Variants in ROCK1 observed in about 807,000 individuals in gnomAD.
ROCK1 encodes the protein Rho associated coiled-coil containing protein kinase 1.
In ROCK1, 36 loss-of-function variants were observed where a neutral mutation model predicts 196.8. The ratio of observed to expected loss-of-function variants is 0.18; its 90% CI spans 0.14 to 0.24. The LOEUF is 0.24. ROCK1 is among the 10% of genes least tolerant of loss of function. The pLI is 1.00. For synonymous variants in ROCK1, 443 were observed against 515.9 expected (o/e 0.86, Z 1.91); for missense variants, 920 against 1,562.0 (o/e 0.59, Z 6.93).
At chr18:21,062,985 G>C (rs1180995845) in intron 2 of ROCK1, among the ~76,000 whole-genome samples, 3 of 152,094 alleles carry the variant, frequency 2.0e-5, no homozygotes, top group Non-Finnish European at 4.4e-5. Context: ...AAGGAGAATG[G>C]ATACTGTCTT....
intron 22 of ROCK1, among the ~76,000 whole-genome samples, chr18:20,978,218 A>C (rs74438302): frequency 6.6e-6 from 1 of 152,216 alleles, no homozygotes; most frequent in East Asian, 1.9e-4. Flanking sequence ...AAAAAAAAAA[A>C]ATGAAGAATG....
At chr18:21,032,975 C>T (rs895087978) in intron 9 of ROCK1, among the ~76,000 whole-genome samples, 2 of 152,066 alleles carry the variant, frequency 1.3e-5, no homozygotes, top group African/African-American at 4.8e-5. Context: ...GGGAGGGTGG[C>T]TTAAGACCAG....
chr18:20,961,493 A>G (rs1568368210), intron 27 of ROCK1, among the ~76,000 whole-genome samples: 1 of 152,150 alleles, frequency 6.6e-6, no homozygotes, highest in Non-Finnish European at 1.5e-5. Context: ...TTCACTTACA[A>G]AAGAAGAGAC....
intron 2 of ROCK1, among the ~76,000 whole-genome samples, chr18:21,064,105 A>ATTTT (rs569045489): frequency 5.9e-5 from 9 of 151,984 alleles, no homozygotes; most frequent in Admixed American, 5.2e-4. Context: ...CAACTAAGTA[A>ATTTT]TTTTTTTTAA....
At position 20,980,396 on chromosome 18, in the gene ROCK1, G is replaced by A. The variant is rs138219567; in HGVS notation, c.2560-392C>T. ...TAAAGAGTGTATACTGTGACTCCAT[G>A]TAGATGAAATTCTAGGACAGGTGAA... On this transcript the variant is annotated intron_variant, in intron 21 of 32. Coordinates refer to ENST00000399799, the MANE Select transcript of ROCK1 (RefSeq NM_005406.3). Among the ~76,000 whole-genome samples, 17 of 152,300 alleles carry A rather than the reference G, an allele frequency of 1.1e-4. No homozygotes were observed. The East Asian group carries it at 3.1e-3, about 28-fold the overall frequency.
rs1170850162 is a variant in ROCK1, at chr18:21,042,057, T to A, written c.959+40A>T. ...TAAAAATGGAGCAGAAGATGAGAAG[T>A]CCTCAGAATTAATACAGGCTCAGTT... On this transcript the variant is annotated intron_variant, in intron 8 of 32. Transcript: ENST00000399799. The A allele has an allele frequency of 1.9e-6, 3 of 1,564,108 alleles. No homozygotes were observed. In the African/African-American group the frequency reaches 4.2e-5, roughly 22 times the overall value.
At chr18:21,094,621 C>CA (rs2036597458) in intron 1 of ROCK1, among the ~76,000 whole-genome samples, 1 of 151,124 alleles carries the variant, frequency 6.6e-6, no homozygotes, top group African/African-American at 2.4e-5. Flanking sequence ...TGGTGGCACG[C>CA]ACCTGTAGTC....
At chr18:21,042,975 C>T (rs1448254158) in intron 6 of ROCK1, among the ~76,000 whole-genome samples, 1 of 152,000 alleles carries the variant, frequency 6.6e-6, no homozygotes, top group African/African-American at 2.4e-5. Flanking sequence ...TGTGTATTCA[C>T]ATATATACAC....
At chr18:21,000,997 G>T (rs1483400556) in intron 16 of ROCK1, among the ~76,000 whole-genome samples, 1 of 152,006 alleles carries the variant, frequency 6.6e-6, no homozygotes, top group Non-Finnish European at 1.5e-5. Context: ...GCCAAAAGGT[G>T]GAATCAATCC....
At position 20,980,005 on chromosome 18, in the gene ROCK1, C is replaced by A; in HGVS notation, c.2560-1G>T. The A allele has an allele frequency of 6.5e-7, 1 of 1,541,726 alleles. No homozygotes were observed. The highest frequency in any genetic ancestry group is 1.2e-5 in the South Asian group (1 of 81,104). On this transcript the variant is annotated splice_acceptor_variant, in intron 21 of 32. Transcript: ENST00000399799. LOFTEE classifies it high-confidence loss of function. ...CCTTTACCTGGGTTTTATAAAGTGT[C>A]TGCAAAACAAGTGACAAGGAGAAAT...
intron 16 of ROCK1, among the ~76,000 whole-genome samples, chr18:20,999,159 T>G (rs796652801): frequency 5.3e-4 from 81 of 152,174 alleles, no homozygotes; most frequent in African/African-American, 1.9e-3. Flanking sequence ...AAAAGTTCAT[T>G]CATCATGACA....
chr18:20,996,873 A>G (rs1043770186), intron 16 of ROCK1, among the ~76,000 whole-genome samples: 8 of 152,218 alleles, frequency 5.3e-5, no homozygotes, highest in Non-Finnish European at 8.8e-5. Flanking sequence ...TTAAGTCATC[A>G]TCAGTTTAAA....
At chr18:21,092,580 T>TA (rs35799573) in intron 1 of ROCK1, among the ~76,000 whole-genome samples, 2,741 of 80,658 alleles carry the variant, frequency 0.034, 82 homozygotes, top group African/African-American at 0.083. Context: ...ACCTCATCTT[T>TA]AAAAAAAAAA....
intron 22 of ROCK1, among the ~76,000 whole-genome samples, chr18:20,977,799 G>A (rs115086372): frequency 3.2e-4 from 48 of 152,254 alleles, no homozygotes; most frequent in African/African-American, 1.1e-3. Flanking sequence ...CCTTCACAGT[G>A]AATGCATACA....
intron 2 of ROCK1, among the ~76,000 whole-genome samples, chr18:21,055,760 T>A (rs1274589804): frequency 6.6e-6 from 1 of 152,196 alleles, no homozygotes; most frequent in Admixed American, 6.5e-5. Flanking sequence ...TACTGTCCCA[T>A]TACTCAACTC....
chr18:21,046,523 C>T (rs1485958596), intron 4 of ROCK1, among the ~76,000 whole-genome samples: 1 of 152,124 alleles, frequency 6.6e-6, no homozygotes, highest in Admixed American at 6.5e-5. Context: ...TGACAGCAGT[C>T]AGGAGGAGGA....
chr18:21,100,032 T>A (rs1411561228), intron 1 of ROCK1, among the ~76,000 whole-genome samples: 1 of 150,720 alleles, frequency 6.6e-6, no homozygotes. Flanking sequence ...CAAGACTGTC[T>A]CAAAACAAAA....
At chr18:21,103,379 T>C (rs1176967476) in intron 1 of ROCK1, among the ~76,000 whole-genome samples, 1 of 152,166 alleles carries the variant, frequency 6.6e-6, no homozygotes, top group African/African-American at 2.4e-5. Context: ...TCTTAAATAA[T>C]AAATCAAAGA....
chr18:21,023,193 A>G (rs1359041012), intron 11 of ROCK1, among the ~76,000 whole-genome samples: 1 of 152,162 alleles, frequency 6.6e-6, no homozygotes, highest in Non-Finnish European at 1.5e-5. Flanking sequence ...AACTATGTGA[A>G]GGTGCTTAAT....
Sources: gnomAD v4.1 joint callset for allele counts (sites outside exome capture counted in the v4.1 genomes callset) on GRCh38, gnomAD v4.1.1 for gene constraint, MANE v1.5 for transcripts, NCBI Gene and HGNC (gene_info 2026-07-23, HGNC 2026-07-21) for gene names.